The following CPQ variants were observed in gnomAD, a reference collection of about 807,000 sequenced individuals.
CPQ encodes the protein carboxypeptidase Q.
In CPQ, 37 loss-of-function variants were observed where a neutral mutation model predicts 45.7. The ratio of observed to expected loss-of-function variants is 0.81; its 90% confidence interval spans 0.62 to 1.07. The LOEUF (loss-of-function observed/expected upper bound fraction) is 1.07, where lower values mean the gene tolerates loss of function less well. Among genes scored for constraint, CPQ ranks in the 50% least tolerant of loss-of-function variants. The probability of loss-of-function intolerance (pLI) is 0.00; values close to 1 mark genes in which losing one functional copy is unlikely to be tolerated. For missense variants in CPQ, 537 were observed against 572.9 expected, an observed-to-expected ratio of 0.94 and a Z score of 0.64; for synonymous variants, 186 against 205.8, an observed-to-expected ratio of 0.90 and a Z score of 0.82.
At position 96,728,868 on chromosome 8, in the gene CPQ, C is replaced by T. The variant is rs1809875659; in HGVS notation, c.-34-55996C>T. 2.0e-5 allele frequency among the ~76,000 whole-genome samples: 3 copies of T among 152,106 alleles called. No individual in the cohort carries two copies. The South Asian group carries it at 6.2e-4, about 31-fold the overall frequency. ...GCTTAAACCATAAAGGGACTCCTGG[C>T]TCATCCATCCTGGCAAATATGTGGT... On this transcript the variant is annotated intron_variant, in intron 1 of 7. Coordinates refer to ENST00000220763, the MANE Select transcript of CPQ (RefSeq NM_016134.4).
At chr8:96,766,681 A>G (rs1309693451) in intron 1 of CPQ, among the ~76,000 whole-genome samples, 1 of 152,180 alleles carries the variant, frequency 6.6e-6, no homozygotes, top group Non-Finnish European at 1.5e-5. Context: ...GAATAAAATC[A>G]TCTTCAAGTA....
intron 1 of CPQ, among the ~76,000 whole-genome samples, chr8:96,780,691 C>G (rs1245833245): frequency 2.0e-5 from 3 of 148,734 alleles, no homozygotes; most frequent in African/African-American, 4.9e-5. Context: ...CTTTTCTTTT[C>G]TTTCTTTCTT....
At chr8:96,839,834 T>G (rs1332215874) in intron 3 of CPQ, among the ~76,000 whole-genome samples, 1 of 152,198 alleles carries the variant, frequency 6.6e-6, no homozygotes, top group African/African-American at 2.4e-5. Context: ...AAGCACCAAC[T>G]TTGTACTATT....
intron 7 of CPQ, among the ~76,000 whole-genome samples, chr8:97,137,504 C>T (rs1812080863): frequency 6.6e-6 from 1 of 152,180 alleles, no homozygotes; most frequent in Non-Finnish European, 1.5e-5. Context: ...CTGTGGGGTC[C>T]AGAGAGCATG....
chr8:96,951,320 C>T (rs1361008754), intron 4 of CPQ, among the ~76,000 whole-genome samples: 10 of 152,078 alleles, frequency 6.6e-5, no homozygotes, highest in African/African-American at 2.4e-4. Context: ...TCTAAGGTCC[C>T]GTTCTGGATA....
intron 3 of CPQ, among the ~76,000 whole-genome samples, chr8:96,864,999 T>C (rs540580370): frequency 6.6e-6 from 1 of 152,202 alleles, no homozygotes; most frequent in South Asian, 2.1e-4. Flanking sequence ...TTTATAAGAT[T>C]ATTGTGTAAA....
intron 1 of CPQ, among the ~76,000 whole-genome samples, chr8:96,748,105 T>G (rs921074709): frequency 2.0e-5 from 3 of 152,212 alleles, no homozygotes; most frequent in Non-Finnish European, 4.4e-5. Context: ...CTCCCCCAGC[T>G]TATTATCAGC....
chr8:96,945,119 C>A (rs962955673), intron 4 of CPQ, among the ~76,000 whole-genome samples: 6 of 152,124 alleles, frequency 3.9e-5, no homozygotes, highest in Non-Finnish European at 2.9e-5. Context: ...TCTGGGGGAA[C>A]TAATGCTTGT....
chr8:96,989,910 A>G (rs900104102), intron 5 of CPQ, among the ~76,000 whole-genome samples: 1 of 152,136 alleles, frequency 6.6e-6, no homozygotes, highest in African/African-American at 2.4e-5. Flanking sequence ...TATGCAAGAC[A>G]TGGCCCATAG....
chr8:96,982,994 G>A (rs1813933053), intron 5 of CPQ, among the ~76,000 whole-genome samples: 2 of 152,016 alleles, frequency 1.3e-5, no homozygotes, highest in African/African-American at 2.4e-5. Context: ...AACGAATCTG[G>A]ATATTTGTTT....
At chr8:96,801,709 G>T (rs1043513860) in intron 2 of CPQ, among the ~76,000 whole-genome samples, 2 of 152,118 alleles carry the variant, frequency 1.3e-5, no homozygotes, top group Non-Finnish European at 2.9e-5. Flanking sequence ...GTTCCTAGGA[G>T]AGTAGATGAC....
chr8:96,799,045 T>G (rs891790020), intron 2 of CPQ, among the ~76,000 whole-genome samples: 1 of 152,244 alleles, frequency 6.6e-6, no homozygotes, highest in Non-Finnish European at 1.5e-5. Flanking sequence ...ATTTTAGCAC[T>G]GTGTGATTCT....
chr8:97,085,742 A>G (rs923007989), intron 7 of CPQ, among the ~76,000 whole-genome samples: 1 of 152,184 alleles, frequency 6.6e-6, no homozygotes, highest in African/African-American at 2.4e-5. Flanking sequence ...AAATTCTAGT[A>G]TAGGAGCCAC....
chr8:97,010,666 T>C (rs1045855183), intron 5 of CPQ, among the ~76,000 whole-genome samples: 2 of 152,126 alleles, frequency 1.3e-5, no homozygotes, highest in African/African-American at 4.8e-5. Context: ...ACAAATTCAC[T>C]CTTTGATCAC....
rs1811512121 is a variant in CPQ, at chr8:96,835,111, CG to C, written c.574del (p.Val192TrpfsTer50). 2.5e-6 allele frequency: 4 copies of C among 1,593,294 alleles called. No individual in the cohort carries two copies. Among genetic ancestry groups the C allele is most frequent in the Non-Finnish European group, 3.4e-6 (4 of 1,169,010 alleles). On this transcript the variant is annotated frameshift_variant, in exon 3 of 8. Transcript: ENST00000220763. LOFTEE classifies it high-confidence loss of function. Reference protein sequence around the residue: ...SRTVQYRTQGAVEAAKVGALA... With the variant: ...SRTVQYRTQGXVEAAKVGALA... ...ACGGTGCAATACCGAACGCAGGGGG[CG>C]GTGGAAGCTGCCAAGGTGGGGGCTT...
In CPQ at chr8:96,783,342, C is replaced by T. The variant is rs138365685; in HGVS notation, c.-34-1522C>T. Among the ~76,000 whole-genome samples the T allele has an allele frequency of 2.3e-3, 346 of 151,954 alleles. 4 individuals are homozygous for T. Among genetic ancestry groups the T allele is most frequent in the African/African-American group, 8.1e-3 (338 of 41,474 alleles). On this transcript the variant is annotated intron_variant, in intron 1 of 7. Coordinates refer to ENST00000220763, the MANE Select transcript of CPQ (RefSeq NM_016134.4). ...TTTATAAAGAATGAAAATTTATTAG[C>T]TCGTGGTTCTGCAGGCTAAACAGTC...
At chr8:96,821,128 T>G in intron 2 of CPQ, among the ~76,000 whole-genome samples, 2 of 6,932 alleles carry the variant, frequency 2.9e-4, no homozygotes. Flanking sequence ...TAATCTGAAT[T>G]TTTTTTTTTT....
chr8:96,678,337 A>G (rs1378859362), intron 1 of CPQ, among the ~76,000 whole-genome samples: 2 of 151,930 alleles, frequency 1.3e-5, no homozygotes, highest in Non-Finnish European at 2.9e-5. Flanking sequence ...TGTGTCATCT[A>G]TGATTTCTTT....
intron 2 of CPQ, among the ~76,000 whole-genome samples, chr8:96,800,167 G>T (rs1157037468): frequency 2.0e-5 from 3 of 152,148 alleles, no homozygotes; most frequent in African/African-American, 7.2e-5. Flanking sequence ...CATGAAGAAG[G>T]CAGTAGTCCT....
Sources: allele counts gnomAD v4.1 joint callset (sites outside exome capture counted in the v4.1 genomes callset), GRCh38; gene constraint gnomAD v4.1.1; transcripts MANE v1.5; gene names NCBI Gene and HGNC (gene_info 2026-07-23, HGNC 2026-07-21).